CERS3: variants seen among roughly 807,000 people sequenced by gnomAD.
CERS3 encodes the protein ceramide synthase 3.
Under a neutral mutation model 50.3 loss-of-function variants are expected in CERS3, and 33 were observed. That is an observed-to-expected ratio of 0.66 (90% CI 0.50 to 0.88). The LOEUF (loss-of-function observed/expected upper bound fraction) is 0.88. Ranked by LOEUF, CERS3 falls within the 40% of genes least tolerant of loss-of-function variation. The pLI is 0.00. For missense variants in CERS3, 470 were observed against 460.3 expected (o/e 1.02, Z -0.19); for synonymous variants, 176 against 155.2 (o/e 1.13, Z -0.99).
chr15:100,467,795 GTATATATATATACGTC>G (rs2034805167), intron 10 of CERS3, among the ~76,000 whole-genome samples: 1 of 91,684 alleles, frequency 1.1e-5, no homozygotes, highest in African/African-American at 3.5e-5. Flanking sequence ...ACATATATAT[GTATATATATATACGTC>G]TATATATATG....
At chr15:100,498,802 C>G (rs559110861) in intron 3 of CERS3, among the ~76,000 whole-genome samples, 35 of 152,218 alleles carry the variant, frequency 2.3e-4, no homozygotes, top group Admixed American at 4.6e-4. Flanking sequence ...AATAGATACA[C>G]TAGCCTATTG....
intron 2 of CERS3, among the ~76,000 whole-genome samples, chr15:100,514,977 C>T (rs932318726): frequency 6.6e-5 from 10 of 152,074 alleles, no homozygotes; most frequent in South Asian, 2.1e-4. Context: ...TCTAGCCCAG[C>T]GCTATAGATA....
chr15:100,475,975 G>T, intron 8 of CERS3, 111 bp downstream of exon 8: 1 of 607,274 alleles, frequency 1.6e-6, no homozygotes, highest in Non-Finnish European at 2.8e-6. Context: ...CAAAAGCAAT[G>T]AACTGGACCC....
At chr15:100,536,954 C>T (rs2037089170) in intron 1 of CERS3, among the ~76,000 whole-genome samples, 1 of 152,234 alleles carries the variant, frequency 6.6e-6, no homozygotes, top group African/African-American at 2.4e-5. Context: ...CATCATTCAT[C>T]TGACACATGT....
At chr15:100,495,774 T>C (rs1160563665) in intron 3 of CERS3, among the ~76,000 whole-genome samples, 2 of 152,198 alleles carry the variant, frequency 1.3e-5, no homozygotes, top group Admixed American at 6.5e-5. Context: ...AAAAGATAAC[T>C]AGTAAGGTAT....
intron 2 of CERS3, among the ~76,000 whole-genome samples, chr15:100,518,382 C>T (rs753870618): frequency 3.3e-5 from 5 of 151,914 alleles, no homozygotes; most frequent in South Asian, 4.2e-4. Context: ...AGGATATCTG[C>T]GGTGCCTGGA....
At chr15:100,506,640 G>A (rs2036192934) in intron 2 of CERS3, among the ~76,000 whole-genome samples, 2 of 152,210 alleles carry the variant, frequency 1.3e-5, no homozygotes, top group South Asian at 2.1e-4. Context: ...TTCATGCTCA[G>A]TATGGATGAC....
At chr15:100,523,177 T>C (rs1407371990) in intron 1 of CERS3, among the ~76,000 whole-genome samples, 1 of 152,206 alleles carries the variant, frequency 6.6e-6, no homozygotes, top group Non-Finnish European at 1.5e-5. Flanking sequence ...TGTGGCGGTC[T>C]ATCTTTCAAA....
intron 9 of CERS3, among the ~76,000 whole-genome samples, chr15:100,472,572 C>T (rs2142245608): frequency 6.6e-6 from 1 of 152,246 alleles, no homozygotes; most frequent in East Asian, 1.9e-4. Context: ...TGGTGCCATC[C>T]AAATTTGGGA....
At chr15:100,444,843 T>C (rs2033864895) in intron 11 of CERS3, among the ~76,000 whole-genome samples, 1 of 152,214 alleles carries the variant, frequency 6.6e-6, no homozygotes, top group Non-Finnish European at 1.5e-5. Flanking sequence ...ACCATGGTCA[T>C]TTCTTCCCTT....
chr15:100,504,551 T>C (rs2036116370), intron 2 of CERS3, among the ~76,000 whole-genome samples: 1 of 152,206 alleles, frequency 6.6e-6, no homozygotes, highest in South Asian at 2.1e-4. Flanking sequence ...CTCAATGGAC[T>C]ATTCTTTTAT....
chr15:100,434,728 C>T (rs1221467728), intron 11 of CERS3, among the ~76,000 whole-genome samples: 1 of 152,138 alleles, frequency 6.6e-6, no homozygotes, highest in East Asian at 1.9e-4. Flanking sequence ...CTCTCATATC[C>T]TGCTGTGAAT....
chr15:100,454,452 G>A (rs542658699), intron 11 of CERS3, among the ~76,000 whole-genome samples: 1 of 150,866 alleles, frequency 6.6e-6, no homozygotes, highest in East Asian at 2.0e-4. Flanking sequence ...TACATTGGGG[G>A]AAAGGACATC....
At chr15:100,416,967 G>A (rs2031960821) in intron 11 of CERS3, among the ~76,000 whole-genome samples, 1 of 152,198 alleles carries the variant, frequency 6.6e-6, no homozygotes, top group Admixed American at 6.5e-5. Flanking sequence ...ACAAGCATAT[G>A]AAAAAATATT....
chr15:100,476,173 C>A lies in CERS3; in HGVS notation c.522G>T (p.Leu174=), dbSNP rs2035120637. ...TGTAGTACCAGTACTGGGATGGCAG[C>A]AGGGGCTGAGGAAAAGAAGAGTATT... The part of the protein sequence containing the change: ...EVWNGYPKQP[L]LPSQYWYYIL... The change falls in exon 8 of 12, where the codon CTG becomes CTT. Residue 174 remains leucine (L), a synonymous_variant. Coordinates refer to ENST00000679737, the MANE Select transcript of CERS3 (RefSeq NM_001378789.1). 6.4e-7 allele frequency: 1 copy of A among 1,564,018 alleles called. No individual in the cohort carries two copies. Among genetic ancestry groups the A allele is most frequent in the Non-Finnish European group, 8.6e-7 (1 of 1,161,794 alleles).
intron 11 of CERS3, among the ~76,000 whole-genome samples, chr15:100,415,751 G>A (rs771057718): frequency 1.3e-5 from 2 of 151,958 alleles, no homozygotes; most frequent in Non-Finnish European, 2.9e-5. Context: ...GAGAACACAC[G>A]GACATAGGGA....
intron 11 of CERS3, among the ~76,000 whole-genome samples, chr15:100,422,906 A>G (rs1411351382): frequency 8.7e-6 from 1 of 115,572 alleles, no homozygotes; most frequent in Non-Finnish European, 1.7e-5. Context: ...GGACACAGGA[A>G]GGGGAATATC....
intron 11 of CERS3, among the ~76,000 whole-genome samples, chr15:100,454,585 C>T (rs1312212252): frequency 1.3e-5 from 2 of 151,760 alleles, no homozygotes; most frequent in African/African-American, 2.4e-5. Flanking sequence ...ATATAAGATC[C>T]CAAAATATAA....
chr15:100,504,313 G>A (rs575262391), intron 2 of CERS3, among the ~76,000 whole-genome samples: 4 of 145,496 alleles, frequency 2.7e-5, no homozygotes, highest in South Asian at 4.3e-4. Context: ...GCGTGATCTC[G>A]GCTCACTGAA....
Sources: allele counts gnomAD v4.1 joint callset (sites outside exome capture counted in the v4.1 genomes callset), GRCh38; gene constraint gnomAD v4.1.1; transcripts MANE v1.5; gene names NCBI Gene and HGNC (gene_info 2026-07-23, HGNC 2026-07-21).